The following ZNF277 variants were observed in gnomAD, a reference collection of about 807,000 sequenced individuals.
ZNF277 encodes zinc finger protein 277, also known as nuclear receptor-interacting factor 4.
In ZNF277, 55 loss-of-function variants were observed where a neutral mutation model predicts 60.7. That is an observed-to-expected ratio of 0.91 (90% CI 0.73 to 1.13). ZNF277 has a LOEUF of 1.13. Ranked by LOEUF, ZNF277 falls within the 50% of genes most tolerant of loss-of-function variation. The pLI, the probability that ZNF277 is intolerant of heterozygous loss-of-function variation, is 0.00. For missense variants in ZNF277, 510 were observed against 523.0 expected, an observed-to-expected ratio of 0.98 and a Z score of 0.24; for synonymous variants, 178 against 179.3, an observed-to-expected ratio of 0.99 and a Z score of 0.06.
rs1584378758 is a variant in ZNF277, at chr7:112,286,850, T to TTTTTTTTC, written c.92-16_92-15insCTTTTTTT. The TTTTTTTTC allele has an allele frequency of 1.2e-5, 16 of 1,367,416 alleles. No homozygotes were observed. The East Asian group carries it at 4.2e-4, about 36-fold the overall frequency. The allele number at this position is 1,367,416 out of a possible 1,614,324, so 84.7% of individuals were successfully genotyped here. On this transcript the variant is annotated intron_variant, in intron 1 of 11. Transcript: ENST00000361822. ...CAGCTTTTCTTTCTTTCTTTTTTTTTTTTTTTTTTTGGTCTATTCCAGACA... is the reference window on the plus strand; with the variant it reads ...CAGCTTTTCTTTCTTTCTTTTTTTTTTTTTTTTCTTTTTTTTTTGGTCTATTCCAGACA...
At chr7:112,338,370 C>T (rs528613664) in intron 9 of ZNF277, among the ~76,000 whole-genome samples, 91 of 152,164 alleles carry the variant, frequency 6.0e-4, no homozygotes, top group African/African-American at 1.9e-3. Flanking sequence ...CTTTTTCACC[C>T]CAGTATACCT....
chr7:112,247,259 C>T (rs1450114862), intron 1 of ZNF277, among the ~76,000 whole-genome samples: 1 of 152,086 alleles, frequency 6.6e-6, no homozygotes, highest in African/African-American at 2.4e-5. Context: ...CAAGTTTGGC[C>T]CAAATGAGCT....
rs201205159 is a variant in ZNF277 at position 112,206,734 on chromosome 7, C to A, written c.18C>A (p.Thr6=). 1.2e-4 allele frequency: 194 copies of A among 1,613,284 alleles called. 2 individuals carry two copies. In the East Asian group the frequency reaches 4.2e-3, roughly 35 times the overall value. The change falls in exon 1 of 12, where the codon ACC becomes ACA. Residue 6 remains threonine (T), a synonymous_variant. Coordinates refer to ENST00000361822, the MANE Select transcript of ZNF277 (RefSeq NM_021994.3). Reference sequence around the variant, plus strand: ...GCCGGGTAATGGCTGCTTCCAAGACCCAGGGGGCTGTCGCCCGAATGCAGG... The same window carrying A: ...GCCGGGTAATGGCTGCTTCCAAGACACAGGGGGCTGTCGCCCGAATGCAGG... The part of the protein sequence containing the change: MAASK[T]QGAVARMQED...
chr7:112,286,866 A>C lies in ZNF277; in HGVS notation c.92-7A>C. On this transcript the variant is annotated splice_polypyrimidine_tract_variant and splice_region_variant and intron_variant, in intron 1 of 11. Transcript: ENST00000361822. ...CTTTTTTTTTTTTTTTTTTTGGTCTATTCCAGACAGTAAGGATTGTATCCT... is the reference window on the plus strand; with the variant it reads ...CTTTTTTTTTTTTTTTTTTTGGTCTCTTCCAGACAGTAAGGATTGTATCCT... The C allele has an allele frequency of 1.1e-6, 1 of 905,776 alleles. No homozygotes were observed. 56.1% of individuals were successfully genotyped at this position (905,776 alleles called of 1,614,324 possible). A position where few individuals can be genotyped will look rare whatever the true frequency, so the allele number is the denominator to read the frequency against.
chr7:112,233,992 A>G (rs1822414334), intron 1 of ZNF277, among the ~76,000 whole-genome samples: 1 of 151,556 alleles, frequency 6.6e-6, no homozygotes, highest in African/African-American at 2.4e-5. Flanking sequence ...TAATTTTACT[A>G]TAAGGTTTTT....
chr7:112,232,215 G>A (rs1032513524), intron 1 of ZNF277, among the ~76,000 whole-genome samples: 1 of 151,776 alleles, frequency 6.6e-6, no homozygotes, highest in Non-Finnish European at 1.5e-5. Context: ...AATCTAATTG[G>A]GATTAGAGTT....
At chr7:112,238,120 T>G (rs540585550) in intron 1 of ZNF277, among the ~76,000 whole-genome samples, 3 of 152,248 alleles carry the variant, frequency 2.0e-5, no homozygotes, top group African/African-American at 7.2e-5. Flanking sequence ...CAAATCACAG[T>G]ACCTGGTTTT....
intron 1 of ZNF277, among the ~76,000 whole-genome samples, chr7:112,208,204 G>A (rs1821620119): frequency 1.3e-5 from 2 of 151,874 alleles, no homozygotes; most frequent in African/African-American, 4.8e-5. Context: ...GTGAAACCCC[G>A]TCTCTACTAA....
intron 1 of ZNF277, among the ~76,000 whole-genome samples, chr7:112,257,716 G>T (rs938018646): frequency 6.6e-6 from 1 of 152,122 alleles, no homozygotes; most frequent in Admixed American, 6.6e-5. Context: ...CTCTAAGGAA[G>T]CAGCCATTTA....
chr7:112,262,501 A>T (rs1366374497), intron 1 of ZNF277, among the ~76,000 whole-genome samples: 1 of 152,144 alleles, frequency 6.6e-6, no homozygotes, highest in Non-Finnish European at 1.5e-5. Context: ...TTATTTATTT[A>T]TGAAAAAAGT....
intron 1 of ZNF277, among the ~76,000 whole-genome samples, chr7:112,276,269 T>C (rs1402443633): frequency 6.6e-6 from 1 of 152,196 alleles, no homozygotes; most frequent in African/African-American, 2.4e-5. Flanking sequence ...TCTAGAAAGG[T>C]TGGACATGTT....
At chr7:112,272,202 G>A (rs927903661) in intron 1 of ZNF277, among the ~76,000 whole-genome samples, 35 of 152,006 alleles carry the variant, frequency 2.3e-4, no homozygotes, top group African/African-American at 7.7e-4. Context: ...TTTTGTTCCC[G>A]GCTGATTTCA....
chr7:112,306,212 C>CTTTTTTTTT (rs555931160), intron 4 of ZNF277, among the ~76,000 whole-genome samples: 2 of 116,906 alleles, frequency 1.7e-5, no homozygotes, highest in Non-Finnish European at 3.5e-5. Context: ...TCTGAATGTT[C>CTTTTTTTTT]TTTTTTTTTT....
chr7:112,276,485 C>T (rs564044166), intron 1 of ZNF277, among the ~76,000 whole-genome samples: 12 of 152,102 alleles, frequency 7.9e-5, no homozygotes, highest in South Asian at 4.1e-4. Flanking sequence ...AAAATTTGGA[C>T]GGGGAGCAAA....
intron 1 of ZNF277, among the ~76,000 whole-genome samples, chr7:112,231,251 G>C (rs1822320346): frequency 6.6e-6 from 1 of 152,010 alleles, no homozygotes; most frequent in Non-Finnish European, 1.5e-5. Context: ...TGTATGATGT[G>C]TGTGTGTAAA....
At chr7:112,290,959 G>A (rs1792192956) in intron 2 of ZNF277, among the ~76,000 whole-genome samples, 1 of 152,136 alleles carries the variant, frequency 6.6e-6, no homozygotes, top group African/African-American at 2.4e-5. Flanking sequence ...GAGTACAATA[G>A]ATAATGAAGA....
At position 112,343,311 on chromosome 7, in the gene ZNF277, T is replaced by G. The variant is rs1240290224; in HGVS notation, c.*582T>G. On this transcript the variant is annotated 3_prime_UTR_variant, in exon 12 of 12. Transcript: ENST00000361822. ...TGTTATTACCACTTTCTGCCTAGGG[T>G]GGCCAAATTCCCTAGAAATAGACAT... Among the ~76,000 whole-genome samples the G allele has an allele frequency of 1.3e-5, 2 of 152,020 alleles. No homozygotes were observed. The highest frequency in any genetic ancestry group is 4.8e-5 in the African/African-American group (2 of 41,294).
At chr7:112,287,875 T>A (rs904607197) in intron 2 of ZNF277, 2 of 145,060 alleles carry the variant, frequency 1.4e-5, no homozygotes, top group Admixed American at 1.3e-4. Context: ...CTTGAGTCTG[T>A]AAGTTTGAGA....
At chr7:112,211,966 G>A (rs1162619423) in intron 1 of ZNF277, among the ~76,000 whole-genome samples, 2 of 152,200 alleles carry the variant, frequency 1.3e-5, no homozygotes, top group African/African-American at 4.8e-5. Context: ...AAGGCATTTA[G>A]AGTGGCTACT....
Sources: gnomAD v4.1 joint callset for allele counts (sites outside exome capture counted in the v4.1 genomes callset) on GRCh38, gnomAD v4.1.1 for gene constraint, MANE v1.5 for transcripts, NCBI Gene and HGNC (gene_info 2026-07-23, HGNC 2026-07-21) for gene names.